GABRB3: variants seen among roughly 807,000 people sequenced by gnomAD.
The protein encoded by GABRB3 is gamma-aminobutyric acid receptor subunit beta-3.
GABRB3 carries 14 observed loss-of-function variants against 52.1 expected under a neutral mutation model. The ratio of observed to expected loss-of-function variants is 0.27; its 90% CI spans 0.18 to 0.42. The LOEUF is 0.42. Ranked by LOEUF, GABRB3 falls within the 10% of genes least tolerant of loss-of-function variation. GABRB3 has a pLI of 1.00. For missense variants in GABRB3, 307 were observed against 609.1 expected (o/e 0.50, Z 5.22); for synonymous variants, 260 against 232.3 (o/e 1.12, Z -1.08).
intron 7 of GABRB3, among the ~76,000 whole-genome samples, chr15:26,561,873 G>A (rs1263775016): frequency 6.6e-6 from 1 of 152,184 alleles, no homozygotes; most frequent in South Asian, 2.1e-4. Context: ...GGAAATGTTT[G>A]CTCAAGTTAA....
At chr15:26,565,425 T>C (rs558916533) in intron 7 of GABRB3, among the ~76,000 whole-genome samples, 7 of 152,176 alleles carry the variant, frequency 4.6e-5, no homozygotes, top group Non-Finnish European at 8.8e-5. Flanking sequence ...CTAACTCTAG[T>C]GAATATCCCC....
At chr15:26,629,227 A>C in intron 3 of GABRB3, 1 of 1,410,246 alleles carries the variant, frequency 7.1e-7, no homozygotes, top group African/African-American at 1.4e-5. Flanking sequence ...GGGGCCTGGA[A>C]AGGAGGGCAG....
chr15:26,603,008 C>A (rs995462874), intron 4 of GABRB3, among the ~76,000 whole-genome samples: 2 of 151,710 alleles, frequency 1.3e-5, no homozygotes, highest in Non-Finnish European at 2.9e-5. Context: ...AATTGACAAA[C>A]CTTTAGCCAG....
intron 3 of GABRB3, among the ~76,000 whole-genome samples, chr15:26,718,336 A>G (rs561365279): frequency 6.6e-6 from 1 of 152,084 alleles, no homozygotes; most frequent in African/African-American, 2.4e-5. Flanking sequence ...AGCCTTCCCA[A>G]GTAGTTGGGA....
chr15:26,624,324 G>A lies in GABRB3; in HGVS notation c.241-2790C>T, dbSNP rs963633841. 1.4e-5 allele frequency: 14 copies of A among 985,442 alleles called. No individual in the cohort carries two copies. In the African/African-American group the frequency reaches 2.3e-4, roughly 16 times the overall value. 61.0% of individuals were successfully genotyped at this position (985,442 alleles called of 1,614,324 possible). A position where few individuals can be genotyped will look rare whatever the true frequency, so the allele number is the denominator to read the frequency against. ...GAGTTTCTCTACTATCACCCTCCAT[G>A]TTACACTCGTATTGAAATAGAAGTT... On this transcript the variant is annotated intron_variant, in intron 3 of 8. Transcript: ENST00000311550.
intron 3 of GABRB3, among the ~76,000 whole-genome samples, chr15:26,695,317 C>A (rs935764985): frequency 4.6e-5 from 7 of 152,084 alleles, no homozygotes; most frequent in Non-Finnish European, 1.0e-4. Context: ...AAGATTTATA[C>A]CGGACTTGCT....
At chr15:26,556,609 A>G (rs1889761531) in intron 8 of GABRB3, among the ~76,000 whole-genome samples, 1 of 152,244 alleles carries the variant, frequency 6.6e-6, no homozygotes, top group African/African-American at 2.4e-5. Flanking sequence ...GATGGTATGC[A>G]CAAATAAATT....
intron 4 of GABRB3, among the ~76,000 whole-genome samples, chr15:26,603,594 T>C (rs1891664028): frequency 1.3e-5 from 2 of 152,036 alleles, no homozygotes; most frequent in African/African-American, 2.4e-5. Flanking sequence ...TGGTATTTAT[T>C]CCAGAGATGC....
rs1215068073 is a variant in GABRB3 at position 26,547,433 on chromosome 15, A to G, written c.*360T>C. ...ATTGTGTTTCACGCCCTCATTCTCAAGGCATAATATTTAGATGATACTTGT... is the reference window on the plus strand; with the variant it reads ...ATTGTGTTTCACGCCCTCATTCTCAGGGCATAATATTTAGATGATACTTGT... On this transcript the variant is annotated 3_prime_UTR_variant, in exon 9 of 9. Coordinates refer to ENST00000311550, the MANE Select transcript of GABRB3 (RefSeq NM_000814.6). The G allele has an allele frequency of 2.2e-6, 1 of 447,410 alleles. No homozygotes were observed. Among genetic ancestry groups the G allele is most frequent in the African/African-American group, 2.0e-5 (1 of 49,694 alleles). The allele number at this position is 447,410 out of a possible 1,614,324, so 27.7% of individuals were successfully genotyped here.
At chr15:26,748,156 T>A (rs1265744956) in intron 3 of GABRB3, among the ~76,000 whole-genome samples, 1 of 152,142 alleles carries the variant, frequency 6.6e-6, no homozygotes, top group Non-Finnish European at 1.5e-5. Flanking sequence ...GCCATTGTTC[T>A]TGAGAGATTT....
At chr15:26,626,044 CTG>C (rs912780233) in intron 3 of GABRB3, among the ~76,000 whole-genome samples, 1 of 152,178 alleles carries the variant, frequency 6.6e-6, no homozygotes, top group Non-Finnish European at 1.5e-5. Context: ...TTGAACAACA[CTG>C]TTTTTCCAAC....
chr15:26,619,516 T>G (rs1566777681), intron 4 of GABRB3, among the ~76,000 whole-genome samples: 1 of 97,508 alleles, frequency 1.0e-5, no homozygotes, highest in Non-Finnish European at 1.9e-5. Context: ...TGGGGACTGT[T>G]GTGGGGTGGG....
chr15:26,729,920 T>G (rs150630158), intron 3 of GABRB3, among the ~76,000 whole-genome samples: 3 of 152,324 alleles, frequency 2.0e-5, no homozygotes, highest in Admixed American at 2.0e-4. Context: ...GGCAGAGGCT[T>G]CATTCTATTC....
chr15:26,635,159 T>G (rs532250502), intron 3 of GABRB3, among the ~76,000 whole-genome samples: 1 of 151,746 alleles, frequency 6.6e-6, no homozygotes, highest in African/African-American at 2.4e-5. Flanking sequence ...ATATCATTCT[T>G]CCAAAGATGC....
chr15:26,669,770 C>T (rs67875810), intron 3 of GABRB3, among the ~76,000 whole-genome samples: 26,970 of 152,130 alleles, frequency 0.18, 2,563 homozygotes, highest in Middle Eastern at 0.26. Flanking sequence ...CTACCTTTTC[C>T]TTCCATCTTC....
intron 5 of GABRB3, 39 bp from the exon 6 acceptor site, chr15:26,580,495 T>C: frequency 3.7e-6 from 6 of 1,613,648 alleles, no homozygotes; most frequent in Non-Finnish European, 5.1e-6. Context: ...AACATCACCA[T>C]TTCGTATAAA....
At chr15:26,602,459 C>T (rs1891623913) in intron 4 of GABRB3, among the ~76,000 whole-genome samples, 1 of 152,112 alleles carries the variant, frequency 6.6e-6, no homozygotes, top group Admixed American at 6.5e-5. Flanking sequence ...ACAGAATACA[C>T]ATTTTTCTTC....
intron 3 of GABRB3, among the ~76,000 whole-genome samples, chr15:26,682,226 C>T (rs1888261482): frequency 6.6e-6 from 1 of 152,140 alleles, no homozygotes; most frequent in African/African-American, 2.4e-5. Flanking sequence ...CCTTCACATT[C>T]ACAACGTCCT....
chr15:26,598,805 T>C (rs184213696), intron 4 of GABRB3, among the ~76,000 whole-genome samples: 14 of 152,272 alleles, frequency 9.2e-5, no homozygotes, highest in Admixed American at 6.5e-4. Context: ...GCAGAGGTCA[T>C]AGTCACCAGC....
Sources: gnomAD v4.1 joint callset for allele counts (sites outside exome capture counted in the v4.1 genomes callset) on GRCh38, gnomAD v4.1.1 for gene constraint, MANE v1.5 for transcripts, NCBI Gene and HGNC (gene_info 2026-07-23, HGNC 2026-07-21) for gene names.